Variants in MACROD2 observed in about 807,000 individuals in gnomAD.
The protein encoded by MACROD2 is ADP-ribose glycohydrolase MACROD2.
In MACROD2, 36 loss-of-function variants were observed where a neutral mutation model predicts 70.4. That is an observed-to-expected ratio of 0.51 (90% CI 0.39 to 0.68). MACROD2 has a LOEUF of 0.68. Ranked by LOEUF, MACROD2 falls within the 30% of genes least tolerant of loss-of-function variation. The pLI, the probability that MACROD2 is intolerant of heterozygous loss-of-function variation, is 0.00. For missense variants in MACROD2, 496 were observed against 538.4 expected, an observed-to-expected ratio of 0.92 and a Z score of 0.78; for synonymous variants, 172 against 178.8, an observed-to-expected ratio of 0.96 and a Z score of 0.30.
intron 5 of MACROD2, among the ~76,000 whole-genome samples, chr20:15,111,835 A>C (rs2075957725): frequency 6.6e-6 from 1 of 152,220 alleles, no homozygotes; most frequent in Non-Finnish European, 1.5e-5. Flanking sequence ...CCTAACTGGG[A>C]GGTGCCCAGC....
At chr20:14,002,207 T>C (rs2052741291) in intron 1 of MACROD2, 81 bp from the exon 2 acceptor site, 4 of 833,558 alleles carry the variant, frequency 4.8e-6, no homozygotes, top group Non-Finnish European at 7.4e-6. Flanking sequence ...TTAGCTTAAC[T>C]TGGTTAATAC....
intron 6 of MACROD2, among the ~76,000 whole-genome samples, chr20:15,296,508 T>C (rs1013820438): frequency 6.6e-6 from 1 of 152,124 alleles, no homozygotes; most frequent in Non-Finnish European, 1.5e-5. Flanking sequence ...AAGACCAAAT[T>C]TGGTTCAAAA....
chr20:14,056,185 TA>T (rs1258045730), intron 2 of MACROD2, among the ~76,000 whole-genome samples: 2 of 152,080 alleles, frequency 1.3e-5, no homozygotes, highest in Non-Finnish European at 2.9e-5. Context: ...TTGTTCAGTT[TA>T]AAAAAATTAT....
chr20:16,031,287 G>C (rs2147581964), intron 15 of MACROD2, among the ~76,000 whole-genome samples: 1 of 152,272 alleles, frequency 6.6e-6, no homozygotes, highest in Middle Eastern at 3.4e-3. Flanking sequence ...TCAAAACAAT[G>C]AGGACATACT....
chr20:15,008,792 T>C (rs866289619), intron 5 of MACROD2, among the ~76,000 whole-genome samples: 1 of 152,296 alleles, frequency 6.6e-6, no homozygotes, highest in Middle Eastern at 3.4e-3. Context: ...AAACTATGTT[T>C]ATTATCACCT....
chr20:15,679,541 A>T (rs1411825971), intron 8 of MACROD2, among the ~76,000 whole-genome samples: 3 of 152,206 alleles, frequency 2.0e-5, no homozygotes, highest in African/African-American at 7.2e-5. Context: ...AGAATGTGGC[A>T]GAAGTGATGC....
chr20:15,911,894 T>C (rs1193619773), intron 10 of MACROD2, among the ~76,000 whole-genome samples: 1 of 152,190 alleles, frequency 6.6e-6, no homozygotes, highest in Non-Finnish European at 1.5e-5. Context: ...TAATCCTGGC[T>C]ACTCAGGAGG....
chr20:15,367,599 A>C (rs6043239), intron 6 of MACROD2, among the ~76,000 whole-genome samples: 5,062 of 152,208 alleles, frequency 0.033, 283 homozygotes, highest in African/African-American at 0.11. Context: ...CAAATTCAGG[A>C]TCTTCTAAGT....
rs567297567 is a variant in MACROD2, at chr20:15,238,592, C to T, written c.540+8531C>T. 2.6e-5 allele frequency among the ~76,000 whole-genome samples: 4 copies of T among 152,136 alleles called. No homozygotes were observed. In the South Asian group the frequency reaches 8.3e-4, roughly 32 times the overall value. On this transcript the variant is annotated intron_variant, in intron 6 of 17. Coordinates refer to ENST00000684519, the MANE Select transcript of MACROD2 (RefSeq NM_001351661.2). ...TTCAATGATTTGGGAAATATATTGT[C>T]ATATATTTCCTTCAAAAATCTTACT... is the stretch of plus-strand genomic sequence containing the variant.
At chr20:15,238,744 A>G (rs2077035562) in intron 6 of MACROD2, among the ~76,000 whole-genome samples, 2 of 152,210 alleles carry the variant, frequency 1.3e-5, no homozygotes. Context: ...AGCAAGACCA[A>G]GAAAACTATG....
chr20:14,873,450 C>T (rs555830684), intron 5 of MACROD2, among the ~76,000 whole-genome samples: 1 of 152,070 alleles, frequency 6.6e-6, no homozygotes, highest in Non-Finnish European at 1.5e-5. Context: ...TTATAAATTG[C>T]CCTTCATTTG....
At chr20:14,575,043 T>A (rs6079499) in intron 4 of MACROD2, among the ~76,000 whole-genome samples, 911 of 14,646 alleles carry the variant, frequency 0.062, 104 homozygotes, top group East Asian at 0.18. Flanking sequence ...AAAAAAAAAA[T>A]ATTCACAAAG....
chr20:15,817,794 T>C (rs989141660), intron 8 of MACROD2, among the ~76,000 whole-genome samples: 1 of 152,186 alleles, frequency 6.6e-6, no homozygotes, highest in East Asian at 1.9e-4. Flanking sequence ...TAAATTGCAA[T>C]TTTAATTGGG....
chr20:14,848,411 CAG>C (rs1218957870), intron 5 of MACROD2, among the ~76,000 whole-genome samples: 3 of 152,170 alleles, frequency 2.0e-5, no homozygotes, highest in Non-Finnish European at 2.9e-5. Context: ...GTTTATAAAA[CAG>C]AGAGTAATAT....
chr20:15,663,680 T>G (rs1003529611), intron 8 of MACROD2, among the ~76,000 whole-genome samples: 2 of 152,200 alleles, frequency 1.3e-5, no homozygotes, highest in African/African-American at 2.4e-5. Context: ...TGTGGTCTTT[T>G]ATCAGTCTAA....
chr20:14,013,525 G>C (rs1039813616), intron 2 of MACROD2, among the ~76,000 whole-genome samples: 1 of 151,954 alleles, frequency 6.6e-6, no homozygotes, highest in Non-Finnish European at 1.5e-5. Flanking sequence ...GCCCACCTCG[G>C]CCTCCCAAAG....
At chr20:14,700,031 A>G (rs991605933) in intron 5 of MACROD2, among the ~76,000 whole-genome samples, 1 of 150,134 alleles carries the variant, frequency 6.7e-6, no homozygotes, top group African/African-American at 2.5e-5. Context: ...CTAGAAGTTT[A>G]AAGTTTAAAG....
chr20:14,537,441 C>T (rs1244130833), intron 4 of MACROD2, among the ~76,000 whole-genome samples: 1 of 152,118 alleles, frequency 6.6e-6, no homozygotes, highest in Non-Finnish European at 1.5e-5. Flanking sequence ...TCACTTACCC[C>T]ATTCTTCATT....
At chr20:15,416,667 G>C (rs1167411259) in intron 6 of MACROD2, among the ~76,000 whole-genome samples, 1 of 152,174 alleles carries the variant, frequency 6.6e-6, no homozygotes, top group Non-Finnish European at 1.5e-5. Flanking sequence ...CACTTTGGGA[G>C]GCCGAGGCAG....
Sources: gnomAD v4.1 joint callset for allele counts (sites outside exome capture counted in the v4.1 genomes callset) on GRCh38, gnomAD v4.1.1 for gene constraint, MANE v1.5 for transcripts, NCBI Gene and HGNC (gene_info 2026-07-23, HGNC 2026-07-21) for gene names.